Variants in SH3RF1 observed in about 807,000 individuals in gnomAD.
The protein encoded by SH3RF1 is SH3 domain containing ring finger 1.
In SH3RF1, 32 loss-of-function variants were observed where a neutral mutation model predicts 74.0. The observed-to-expected ratio is 0.43, with a 90% confidence interval of 0.33 to 0.58. The LOEUF is 0.58. SH3RF1 is among the 20% of genes least tolerant of loss of function. SH3RF1 has a pLI of 0.05. For missense variants in SH3RF1, 954 were observed against 1,130.9 expected (o/e 0.84, Z 2.24); for synonymous variants, 396 against 439.6 (o/e 0.90, Z 1.24).
intron 7 of SH3RF1, among the ~76,000 whole-genome samples, chr4:169,121,866 A>G (rs532171622): frequency 6.6e-6 from 1 of 152,350 alleles, no homozygotes; most frequent in South Asian, 2.1e-4. Context: ...GAGTTGTACA[A>G]AAGAGGCAGT....
intron 2 of SH3RF1, among the ~76,000 whole-genome samples, chr4:169,228,550 A>C (rs2660404): frequency 0.48 from 72,972 of 151,958 alleles, 18,532 homozygotes; most frequent in East Asian, 0.78. Flanking sequence ...CTGCCTCGCT[A>C]TTCCACTTCT....
intron 4 of SH3RF1, among the ~76,000 whole-genome samples, chr4:169,152,420 A>G (rs1260848210): frequency 6.6e-6 from 1 of 152,210 alleles, no homozygotes; most frequent in Non-Finnish European, 1.5e-5. Flanking sequence ...TTCTACTTTA[A>G]TAAGCAAAGT....
intron 2 of SH3RF1, among the ~76,000 whole-genome samples, chr4:169,225,774 T>C (rs1271787569): frequency 6.6e-6 from 1 of 152,194 alleles, no homozygotes; most frequent in Non-Finnish European, 1.5e-5. Flanking sequence ...TGAGTGTGTG[T>C]GTCTTAAAAG....
intron 2 of SH3RF1, among the ~76,000 whole-genome samples, chr4:169,179,101 T>G (rs1453662704): frequency 6.6e-6 from 1 of 152,144 alleles, no homozygotes; most frequent in African/African-American, 2.4e-5. Context: ...GGAAAGATTA[T>G]CCTGGCTTAT....
chr4:169,095,519 A>G lies in SH3RF1; in HGVS notation c.*1000T>C, dbSNP rs1034370944. Reference sequence around the variant, plus strand: ...CAATGGATGAATATGAACTTTTCACAGTGTTTCTTATAGCCTTTGACTTAA... The same window carrying G: ...CAATGGATGAATATGAACTTTTCACGGTGTTTCTTATAGCCTTTGACTTAA... On this transcript the variant is annotated 3_prime_UTR_variant, in exon 12 of 12. Transcript: ENST00000284637. The G allele has an allele frequency of 3.3e-5, 5 of 152,642 alleles. No homozygotes were observed. The highest frequency in any genetic ancestry group is 1.2e-4 in the African/African-American group (5 of 41,452). 9.5% of individuals were successfully genotyped at this position (152,642 alleles called of 1,614,324 possible).
At chr4:169,134,884 C>T (rs1733677809) in intron 5 of SH3RF1, among the ~76,000 whole-genome samples, 1 of 152,200 alleles carries the variant, frequency 6.6e-6, no homozygotes, top group Non-Finnish European at 1.5e-5. Context: ...CTTCACTGCA[C>T]TCATGTTCTA....
At chr4:169,205,388 T>C (rs758436922) in intron 2 of SH3RF1, among the ~76,000 whole-genome samples, 1 of 152,220 alleles carries the variant, frequency 6.6e-6, no homozygotes, top group Non-Finnish European at 1.5e-5. Flanking sequence ...TTTATATTTT[T>C]GTAATCCCAC....
rs964118837 is a variant in SH3RF1, at chr4:169,161,743, C to G, written c.394-5064G>C. Among the ~76,000 whole-genome samples the G allele has an allele frequency of 3.0e-4, 45 of 152,200 alleles. 1 individual carries two copies. Among genetic ancestry groups the G allele is most frequent in the Admixed American group, 3.3e-4 (5 of 15,280 alleles). The stretch of plus-strand genomic sequence containing the variant: ...GTATAATTTAATAACTCAGTTATAT[C>G]TAAATTGGCATCAATGCTGGCTGAT... On this transcript the variant is annotated intron_variant, in intron 2 of 11. Transcript: ENST00000284637.
intron 11 of SH3RF1, among the ~76,000 whole-genome samples, chr4:169,106,301 G>T (rs958073211): frequency 2.0e-5 from 3 of 151,740 alleles, no homozygotes; most frequent in African/African-American, 7.3e-5. Flanking sequence ...TAGAGACAGG[G>T]TTTTACCATG....
chr4:169,221,772 A>G (rs991563561), intron 2 of SH3RF1, among the ~76,000 whole-genome samples: 3 of 152,238 alleles, frequency 2.0e-5, no homozygotes, highest in Non-Finnish European at 4.4e-5. Flanking sequence ...CTGAATTTTA[A>G]AATTCATCAC....
At chr4:169,192,359 A>G (rs942845210) in intron 2 of SH3RF1, among the ~76,000 whole-genome samples, 2 of 152,196 alleles carry the variant, frequency 1.3e-5, no homozygotes, top group Non-Finnish European at 2.9e-5. Context: ...GAAGATATAC[A>G]AATGGCCAAC....
At chr4:169,178,942 C>T (rs556863235) in intron 2 of SH3RF1, among the ~76,000 whole-genome samples, 1 of 152,270 alleles carries the variant, frequency 6.6e-6, no homozygotes, top group South Asian at 2.1e-4. Context: ...AAACTCCTGC[C>T]AAATGCTGGA....
At chr4:169,161,912 G>A (rs1734154579) in intron 2 of SH3RF1, among the ~76,000 whole-genome samples, 1 of 152,170 alleles carries the variant, frequency 6.6e-6, no homozygotes, top group East Asian at 1.9e-4. Context: ...AGGCACGGTA[G>A]CTCACACCTG....
chr4:169,151,931 T>C (rs1005717870), intron 4 of SH3RF1, among the ~76,000 whole-genome samples: 16 of 152,238 alleles, frequency 1.1e-4, no homozygotes, highest in Admixed American at 3.9e-4. Flanking sequence ...TTTTGCTTGC[T>C]TAAGAATCAT....
chr4:169,194,321 G>C (rs1734775525), intron 2 of SH3RF1, among the ~76,000 whole-genome samples: 1 of 152,180 alleles, frequency 6.6e-6, no homozygotes, highest in Admixed American at 6.5e-5. Flanking sequence ...GAGTTTGCCA[G>C]AACCTAGAAG....
intron 2 of SH3RF1, among the ~76,000 whole-genome samples, chr4:169,234,132 C>T (rs1162365937): frequency 6.6e-6 from 1 of 152,126 alleles, no homozygotes; most frequent in Admixed American, 6.5e-5. Flanking sequence ...AACAGTGGAT[C>T]TCCACTGGGG....
At chr4:169,270,693 C>T (rs1261127277) in intron 1 of SH3RF1, 166 bp downstream of exon 1, 7 of 152,228 alleles carry the variant, frequency 4.6e-5, no homozygotes, top group African/African-American at 1.7e-4. Flanking sequence ...CGGGCTGCTC[C>T]GCTTCCGCAG....
chr4:169,154,629 GTC>G (rs1214960397), intron 4 of SH3RF1, among the ~76,000 whole-genome samples: 4 of 152,096 alleles, frequency 2.6e-5, no homozygotes, highest in African/African-American at 9.7e-5. Context: ...CCTTTTCCAT[GTC>G]TCTTAGTTAA....
Position 169,107,252 on chromosome 4 carries a change from T to C in SH3RF1, c.2140-47A>G. ...CCTTAGTTGGAGAATGACAGTACTA[T>C]TGCTGGTGTAATCTAAAGGGCCCTA... On this transcript the variant is annotated intron_variant, in intron 10 of 11. Coordinates refer to ENST00000284637, the MANE Select transcript of SH3RF1 (RefSeq NM_020870.4). 4.0e-6 allele frequency: 6 copies of C among 1,485,866 alleles called. No individual in the cohort carries two copies. The South Asian group carries it at 5.5e-5, about 14-fold the overall frequency. The allele number at this position is 1,485,866 out of a possible 1,614,324, so 92.0% of individuals were successfully genotyped here. A position where few individuals can be genotyped will look rare whatever the true frequency, so the allele number is the denominator to read the frequency against.
Sources: gnomAD v4.1 joint callset for allele counts (sites outside exome capture counted in the v4.1 genomes callset) on GRCh38, gnomAD v4.1.1 for gene constraint, MANE v1.5 for transcripts, NCBI Gene and HGNC (gene_info 2026-07-23, HGNC 2026-07-21) for gene names.